The following MAP3K5 variants were observed in gnomAD, a reference collection of about 807,000 sequenced individuals.
The protein encoded by MAP3K5 is mitogen-activated protein kinase kinase kinase 5, also known as ASK-1.
MAP3K5 carries 56 observed loss-of-function variants against 158.7 expected under a neutral mutation model. The observed-to-expected ratio is 0.35, with a 90% CI of 0.28 to 0.44. The LOEUF is 0.44. Ranked by LOEUF, MAP3K5 falls within the 20% of genes least tolerant of loss-of-function variation. The pLI is 1.00. For synonymous variants in MAP3K5, 579 were observed against 601.7 expected, an observed-to-expected ratio of 0.96 and a Z score of 0.55; for missense variants, 1,294 against 1,674.8, an observed-to-expected ratio of 0.77 and a Z score of 3.97.
chr6:136,701,368 G>GTC (rs1780846613), intron 3 of MAP3K5, among the ~76,000 whole-genome samples: 1 of 152,202 alleles, frequency 6.6e-6, no homozygotes, highest in African/African-American at 2.4e-5. Context: ...CTTCTCATAT[G>GTC]TCAGGTAATG....
intron 1 of MAP3K5, among the ~76,000 whole-genome samples, chr6:136,724,757 C>T (rs1388047919): frequency 6.6e-6 from 1 of 152,062 alleles, no homozygotes; most frequent in Non-Finnish European, 1.5e-5. Flanking sequence ...TGTTCTAAGA[C>T]ATTTCTATTC....
In MAP3K5 at chr6:136,734,066, A is replaced by G. The variant is rs540160981; in HGVS notation, c.449-13477T>C. Among the ~76,000 whole-genome samples, 135 of 152,276 alleles carry G rather than the reference A, an allele frequency of 8.9e-4. 2 individuals are homozygous for G. The highest frequency in any genetic ancestry group is 8.1e-4 in the Non-Finnish European group (55 of 68,020). ...CCTATAAAGAGTATATAAGAAATGT[A>G]TAAGTCAAAATGAACCGTAAAGTTT... On this transcript the variant is annotated intron_variant, in intron 1 of 29. Transcript: ENST00000359015.
rs1259463381 is a variant in MAP3K5, at chr6:136,791,920, G to A, written c.238C>T (p.Arg80Trp). ...ATSSSSATRGRGSSVGGGSRR... is the reference protein window; with the variant it reads ...ATSSSSATRGWGSSVGGGSRR... ...CTGCCCCCGCCAACAGAGCTGCCCC[G>A]GCCTCGGGTGGCACTGCTCGAGGAG... The change falls in exon 1 of 30, where the codon CGG (arginine) becomes TGG (tryptophan). Residue 80 changes from arginine to tryptophan, a missense_variant. Physicochemically the swap from Arg to Trp is moderately radical, Grantham distance 101. Coordinates refer to ENST00000359015, the MANE Select transcript of MAP3K5 (RefSeq NM_005923.4). 6.2e-7 allele frequency: 1 copy of A among 1,612,704 alleles called. No homozygotes were observed. Among genetic ancestry groups the A allele is most frequent in the South Asian group, 1.1e-5 (1 of 91,018 alleles).
chr6:136,594,190 T>G (rs982874937), intron 21 of MAP3K5, among the ~76,000 whole-genome samples: 2 of 152,240 alleles, frequency 1.3e-5, no homozygotes, highest in African/African-American at 4.8e-5. Context: ...ATGTATTGTT[T>G]CCACATATTC....
chr6:136,656,418 A>G lies in MAP3K5; in HGVS notation c.1569T>C (p.His523=). The change falls in exon 10 of 30, where the codon CAT becomes CAC. Residue 523 remains histidine, a synonymous_variant. Transcript: ENST00000359015. ...SIVETILIYK[H]FVKLTTEQPV... is the part of the protein sequence containing the mutation. ...GCTGTTCTGTGGTCAGTTTCACAAA[A>G]TGCTTATATATTAAAATTGTCTCTA... 6.2e-7 allele frequency: 1 copy of G among 1,605,112 alleles called. No homozygotes were observed. Among genetic ancestry groups the G allele is most frequent in the Non-Finnish European group, 8.5e-7 (1 of 1,176,662 alleles).
intron 10 of MAP3K5, among the ~76,000 whole-genome samples, chr6:136,653,630 T>G (rs547762416): frequency 2.0e-5 from 3 of 152,362 alleles, no homozygotes; most frequent in African/African-American, 7.2e-5. Flanking sequence ...GTTTTTCTGC[T>G]ATGCTATCAT....
intron 12 of MAP3K5, among the ~76,000 whole-genome samples, chr6:136,640,182 C>A (rs1485208607): frequency 2.0e-5 from 3 of 152,198 alleles, no homozygotes; most frequent in Non-Finnish European, 4.4e-5. Context: ...TCAGTTGACC[C>A]ACTAGGCCAT....
intron 21 of MAP3K5, 24 bp downstream of exon 21, chr6:136,600,998 T>A: frequency 6.2e-7 from 1 of 1,613,448 alleles, no homozygotes; most frequent in Non-Finnish European, 8.5e-7. Flanking sequence ...CTCAGCTCAA[T>A]GGGCAAAGTA....
intron 2 of MAP3K5, among the ~76,000 whole-genome samples, chr6:136,718,695 C>T (rs1400161830): frequency 1.3e-5 from 2 of 152,134 alleles, no homozygotes; most frequent in East Asian, 1.9e-4. Context: ...TTATTTGTCC[C>T]GGACATATGT....
chr6:136,634,149 A>T (rs1053601228), intron 14 of MAP3K5, among the ~76,000 whole-genome samples: 1 of 152,270 alleles, frequency 6.6e-6, no homozygotes, highest in African/African-American at 2.4e-5. Context: ...GGATGCTGAT[A>T]AAATAACTTT....
chr6:136,573,836 C>T (rs1483365017), intron 25 of MAP3K5, among the ~76,000 whole-genome samples: 1 of 152,112 alleles, frequency 6.6e-6, no homozygotes, highest in Non-Finnish European at 1.5e-5. Context: ...TGTTTCCAAA[C>T]CAGCAAGATG....
chr6:136,596,991 G>A (rs1366449841), intron 21 of MAP3K5, among the ~76,000 whole-genome samples: 3 of 152,188 alleles, frequency 2.0e-5, no homozygotes, highest in Admixed American at 2.0e-4. Context: ...AGAGGAGCCT[G>A]GCAGGATTTC....
At chr6:136,627,776 T>C (rs901999239) in intron 14 of MAP3K5, among the ~76,000 whole-genome samples, 1 of 152,162 alleles carries the variant, frequency 6.6e-6, no homozygotes. Flanking sequence ...GAGCAAAGCA[T>C]TTCTATTGGG....
chr6:136,743,814 A>T (rs1168946479), intron 1 of MAP3K5, among the ~76,000 whole-genome samples: 1 of 152,238 alleles, frequency 6.6e-6, no homozygotes, highest in African/African-American at 2.4e-5. Context: ...AAGTGGATAA[A>T]TAAACTGTGG....
intron 1 of MAP3K5, among the ~76,000 whole-genome samples, chr6:136,780,594 G>T (rs1189123031): frequency 2.6e-5 from 4 of 152,164 alleles, no homozygotes; most frequent in South Asian, 4.1e-4. Context: ...TTCCTGTGAA[G>T]AATGCACTTT....
intron 25 of MAP3K5, 62 bp from the exon 26 acceptor site, chr6:136,567,936 A>G: frequency 6.5e-7 from 1 of 1,541,094 alleles, no homozygotes; most frequent in Non-Finnish European, 8.8e-7. Context: ...TAATTTCTTA[A>G]GATATGAATG....
At chr6:136,580,222 G>A in intron 25 of MAP3K5, 79 bp downstream of exon 25, 1 of 939,938 alleles carries the variant, frequency 1.1e-6, no homozygotes, top group Non-Finnish European at 1.7e-6. Context: ...GTACTAAGGT[G>A]ATATCAGAAA....
chr6:136,757,579 A>ATTTTTTTTTTTTTTT (rs776508913), intron 1 of MAP3K5, among the ~76,000 whole-genome samples: 4 of 111,970 alleles, frequency 3.6e-5, no homozygotes, highest in Non-Finnish European at 5.9e-5. Context: ...TTATTTATTT[A>ATTTTTTTTTTTTTTT]TTTTTTATTT....
At chr6:136,694,749 T>C (rs530476325) in intron 6 of MAP3K5, among the ~76,000 whole-genome samples, 8 of 152,306 alleles carry the variant, frequency 5.3e-5, no homozygotes, top group Admixed American at 1.3e-4. Context: ...TCACAGATGA[T>C]ACCAAAAATC....
Sources: allele counts gnomAD v4.1 joint callset (sites outside exome capture counted in the v4.1 genomes callset), GRCh38; gene constraint gnomAD v4.1.1; transcripts MANE v1.5; gene names NCBI Gene and HGNC (gene_info 2026-07-23, HGNC 2026-07-21).